Variants in ITGA9 observed in about 807,000 individuals in gnomAD.
ITGA9 encodes integrin alpha-9.
A neutral mutation model predicts 127.8 loss-of-function variants in ITGA9; 56 were observed. The observed-to-expected ratio is 0.44, with a 90% confidence interval of 0.35 to 0.55. The LOEUF is 0.55. Among genes scored for constraint, ITGA9 ranks in the 20% least tolerant of loss-of-function variants. The probability of loss-of-function intolerance (pLI) is 0.00; values close to 1 mark genes in which losing one functional copy is unlikely to be tolerated. For synonymous variants in ITGA9, 508 were observed against 514.5 expected (o/e 0.99, Z 0.17); for missense variants, 1,196 against 1,347.1 (o/e 0.89, Z 1.76).
intron 26 of ITGA9, among the ~76,000 whole-genome samples, chr3:37,796,722 C>T (rs538047336): frequency 2.6e-5 from 4 of 152,032 alleles, no homozygotes; most frequent in African/African-American, 4.8e-5. Context: ...CAAACTGAGT[C>T]GTGTTCATAC....
intron 8 of ITGA9, among the ~76,000 whole-genome samples, chr3:37,512,900 A>T (rs1223353509): frequency 2.6e-5 from 4 of 152,128 alleles, no homozygotes; most frequent in Non-Finnish European, 5.9e-5. Flanking sequence ...ACCTGCCTGG[A>T]TCCTGTTGGT....
chr3:37,469,550 G>T (rs1404110418), intron 1 of ITGA9, among the ~76,000 whole-genome samples: 1 of 152,038 alleles, frequency 6.6e-6, no homozygotes, highest in Non-Finnish European at 1.5e-5. Flanking sequence ...AACATTATCC[G>T]CACCCCCAGC....
At chr3:37,654,519 T>G (rs1033689310) in intron 17 of ITGA9, among the ~76,000 whole-genome samples, 89 of 152,350 alleles carry the variant, frequency 5.8e-4, no homozygotes, top group Non-Finnish European at 2.9e-4. Context: ...AAGACTGTTT[T>G]AGCCTTGGGG....
chr3:37,653,913 T>C, intron 17 of ITGA9, 123 bp downstream of exon 17: 2 of 711,210 alleles, frequency 2.8e-6, no homozygotes, highest in Non-Finnish European at 5.1e-6. Context: ...GTTACAGTAA[T>C]ATTCTGTGGT....
chr3:37,564,217 T>G (rs1227704938), intron 15 of ITGA9, among the ~76,000 whole-genome samples: 1 of 152,246 alleles, frequency 6.6e-6, no homozygotes, highest in Non-Finnish European at 1.5e-5. Context: ...ATGAATAACT[T>G]GGCTTTATGC....
chr3:37,748,794 G>T, intron 22 of ITGA9: 2 of 745,102 alleles, frequency 2.7e-6, no homozygotes, highest in South Asian at 3.0e-5. Flanking sequence ...AAAGATACCT[G>T]GGTCCAACTG....
intron 15 of ITGA9, among the ~76,000 whole-genome samples, chr3:37,591,863 C>T (rs1699823980): frequency 6.6e-6 from 1 of 152,230 alleles, no homozygotes; most frequent in Non-Finnish European, 1.5e-5. Flanking sequence ...CCTCAGAAGC[C>T]TTGTCTGGGT....
intron 18 of ITGA9, among the ~76,000 whole-genome samples, chr3:37,686,114 G>C (rs962477530): frequency 6.6e-6 from 1 of 152,156 alleles, no homozygotes; most frequent in African/African-American, 2.4e-5. Flanking sequence ...ACTTTTCAGA[G>C]GGTGTGAAGT....
intron 17 of ITGA9, among the ~76,000 whole-genome samples, chr3:37,672,549 C>T (rs1047174126): frequency 1.3e-5 from 2 of 152,116 alleles, no homozygotes; most frequent in Non-Finnish European, 2.9e-5. Context: ...AGTATGAGAA[C>T]AGGCTAATAC....
At chr3:37,671,346 G>A (rs745384227) in intron 17 of ITGA9, among the ~76,000 whole-genome samples, 2 of 152,232 alleles carry the variant, frequency 1.3e-5, no homozygotes, top group Non-Finnish European at 2.9e-5. Flanking sequence ...GAGCTGCCTT[G>A]AGGGACAGGG....
intron 12 of ITGA9, among the ~76,000 whole-genome samples, chr3:37,525,381 A>G (rs1003840579): frequency 6.6e-6 from 1 of 152,202 alleles, no homozygotes; most frequent in Non-Finnish European, 1.5e-5. Context: ...TCTGATTTAA[A>G]TGTAATGAAA....
chr3:37,695,264 TC>T (rs1700872918), intron 18 of ITGA9, among the ~76,000 whole-genome samples: 1 of 152,200 alleles, frequency 6.6e-6, no homozygotes, highest in Non-Finnish European at 1.5e-5. Context: ...GACCCACGGT[TC>T]TGGCTCTTGG....
chr3:37,766,839 G>A (rs950744942), intron 23 of ITGA9, among the ~76,000 whole-genome samples: 1 of 151,410 alleles, frequency 6.6e-6, no homozygotes, highest in African/African-American at 2.4e-5. Context: ...TTTATGTATC[G>A]CTTTTTCACT....
chr3:37,727,910 A>T (rs946050140), intron 18 of ITGA9, among the ~76,000 whole-genome samples: 2 of 152,156 alleles, frequency 1.3e-5, no homozygotes, highest in East Asian at 3.8e-4. Flanking sequence ...GTGGTTTTGC[A>T]GTGGTTTTAT....
chr3:37,637,183 G>T (rs1306975396), intron 16 of ITGA9, among the ~76,000 whole-genome samples: 1 of 152,058 alleles, frequency 6.6e-6, no homozygotes, highest in Non-Finnish European at 1.5e-5. Flanking sequence ...GTCATTGGTA[G>T]CTTGATGGGG....
intron 26 of ITGA9, among the ~76,000 whole-genome samples, chr3:37,785,693 G>T (rs571807886): frequency 1.3e-5 from 2 of 152,046 alleles, no homozygotes; most frequent in East Asian, 3.9e-4. Context: ...TGCTCAGGCT[G>T]GTCTCAAACT....
At chr3:37,649,457 A>G (rs1336854603) in intron 16 of ITGA9, among the ~76,000 whole-genome samples, 3 of 152,228 alleles carry the variant, frequency 2.0e-5, no homozygotes, top group African/African-American at 7.2e-5. Flanking sequence ...ATAGACTTTA[A>G]TTCAAAAACT....
At chr3:37,801,220 ACAT>A in intron 26 of ITGA9, among the ~76,000 whole-genome samples, 2 of 152,240 alleles carry the variant, frequency 1.3e-5, no homozygotes, top group Admixed American at 1.3e-4. Flanking sequence ...TGTAGTTCAT[ACAT>A]CATCATTCCA....
chr3:37,784,152 G>A (rs928423165), intron 25 of ITGA9, among the ~76,000 whole-genome samples: 1 of 152,166 alleles, frequency 6.6e-6, no homozygotes, highest in Non-Finnish European at 1.5e-5. Context: ...CTGTTTCCAC[G>A]ACAGAAGCCA....
Sources: gnomAD v4.1 joint callset for allele counts (sites outside exome capture counted in the v4.1 genomes callset) on GRCh38, gnomAD v4.1.1 for gene constraint, MANE v1.5 for transcripts, NCBI Gene and HGNC (gene_info 2026-07-23, HGNC 2026-07-21) for gene names.